GNA13: variants seen among roughly 807,000 people sequenced by gnomAD.
The protein encoded by GNA13 is G protein subunit alpha 13.
Under a neutral mutation model 33.5 loss-of-function variants are expected in GNA13, and 4 were observed. That is an observed-to-expected ratio of 0.12 (90% confidence interval 0.06 to 0.27). The LOEUF (loss-of-function observed/expected upper bound fraction) is 0.27, where lower values mean the gene tolerates loss of function less well. GNA13 is among the 10% of genes least tolerant of loss of function. The pLI, the probability that GNA13 is intolerant of heterozygous loss-of-function variation, is 1.00. For missense variants in GNA13, 319 were observed against 487.2 expected (o/e 0.65, Z 3.25); for synonymous variants, 176 against 183.8 (o/e 0.96, Z 0.34).
intron 2 of GNA13, among the ~76,000 whole-genome samples, chr17:65,031,996 G>A (rs921750276): frequency 1.4e-5 from 2 of 143,616 alleles, no homozygotes; most frequent in East Asian, 2.2e-4. Flanking sequence ...TCAATAATTC[G>A]CATATGTATA....
chr17:65,023,462 A>C (rs1018440254), intron 2 of GNA13, among the ~76,000 whole-genome samples: 1 of 152,234 alleles, frequency 6.6e-6, no homozygotes, highest in African/African-American at 2.4e-5. Context: ...TTTCCTGAAC[A>C]AGAACTACCC....
chr17:65,050,434 T>C (rs1907821927), intron 2 of GNA13, among the ~76,000 whole-genome samples: 2 of 152,170 alleles, frequency 1.3e-5, no homozygotes, highest in Non-Finnish European at 1.5e-5. Flanking sequence ...TCAGGTGCTA[T>C]TAACAATGCT....
At chr17:65,043,639 CAGAT>C (rs1364297569) in intron 2 of GNA13, among the ~76,000 whole-genome samples, 3 of 151,996 alleles carry the variant, frequency 2.0e-5, no homozygotes, top group East Asian at 3.8e-4. Flanking sequence ...TAAAAAGTCA[CAGAT>C]AGCACAACCA....
intron 2 of GNA13, among the ~76,000 whole-genome samples, chr17:65,038,591 T>C (rs901582909): frequency 1.3e-5 from 2 of 152,114 alleles, no homozygotes; most frequent in Non-Finnish European, 2.9e-5. Context: ...TCTGTATTTT[T>C]AGTAGAGACG....
intron 2 of GNA13, among the ~76,000 whole-genome samples, chr17:65,022,319 G>T (rs769798204): frequency 2.0e-5 from 3 of 151,424 alleles, no homozygotes; most frequent in Non-Finnish European, 2.9e-5. Flanking sequence ...CTGCACCACT[G>T]CTTGGTGCAC....
At chr17:65,041,720 A>C (rs1018431131) in intron 2 of GNA13, among the ~76,000 whole-genome samples, 2 of 152,126 alleles carry the variant, frequency 1.3e-5, no homozygotes, top group Non-Finnish European at 2.9e-5. Flanking sequence ...AAAGCAGCAC[A>C]TTCAGTGGGA....
intron 2 of GNA13, among the ~76,000 whole-genome samples, chr17:65,030,809 T>C (rs1906973974): frequency 6.6e-6 from 1 of 152,146 alleles, no homozygotes; most frequent in Non-Finnish European, 1.5e-5. Context: ...GCCCAGGAGT[T>C]CAAGACCAGC....
intron 3 of GNA13, among the ~76,000 whole-genome samples, chr17:65,016,813 T>C (rs1008335402): frequency 6.6e-6 from 1 of 152,270 alleles, no homozygotes; most frequent in Non-Finnish European, 1.5e-5. Flanking sequence ...AATCAGCATA[T>C]GCACACAGCG....
chr17:65,017,915 A>G (rs1392028348), intron 3 of GNA13, among the ~76,000 whole-genome samples: 2 of 152,086 alleles, frequency 1.3e-5, no homozygotes, highest in Non-Finnish European at 2.9e-5. Context: ...CTTCCAAGAA[A>G]TAGCAGACAA....
At chr17:65,042,378 G>C (rs1026886948) in intron 2 of GNA13, among the ~76,000 whole-genome samples, 5 of 142,358 alleles carry the variant, frequency 3.5e-5, no homozygotes, top group Non-Finnish European at 4.6e-5. Flanking sequence ...AAAAAAAGAA[G>C]AACCACATCA....
rs533785475 is a variant in GNA13 at position 65,029,621 on chromosome 17, C to CA, written c.511-11319_511-11318insT. On this transcript the variant is annotated intron_variant, in intron 2 of 3. Coordinates refer to ENST00000439174, the MANE Select transcript of GNA13 (RefSeq NM_006572.6). ...CTTCACTCAATATCTTTTGCACTTACGGTTTATACCACTCATGGCACTTCT... is the reference window on the plus strand; with the variant it reads ...CTTCACTCAATATCTTTTGCACTTACAGGTTTATACCACTCATGGCACTTCT... Among the ~76,000 whole-genome samples the CA allele has an allele frequency of 1.1e-3, 38 of 33,722 alleles. No individual in the cohort carries two copies. In the South Asian group the frequency reaches 0.29, roughly 260 times the overall value. 22.1% of individuals were successfully genotyped at this position (33,722 alleles called of 152,430 possible). A position where few individuals can be genotyped will look rare whatever the true frequency, so the allele number is the denominator to read the frequency against.
intron 2 of GNA13, among the ~76,000 whole-genome samples, chr17:65,045,962 G>C (rs1907644923): frequency 1.3e-5 from 2 of 152,204 alleles, no homozygotes; most frequent in African/African-American, 4.8e-5. Context: ...TTGGTGGCCA[G>C]AGCTGTGGAC....
chr17:65,037,581 A>G (rs1403944330), intron 2 of GNA13, among the ~76,000 whole-genome samples: 2 of 151,912 alleles, frequency 1.3e-5, no homozygotes, highest in Non-Finnish European at 2.9e-5. Context: ...CTTTCTGGCC[A>G]CTTCTGCTAG....
At chr17:65,024,257 T>TA (rs1906692204) in intron 2 of GNA13, among the ~76,000 whole-genome samples, 1 of 152,022 alleles carries the variant, frequency 6.6e-6, no homozygotes. Context: ...CTCCAAAAAA[T>TA]AAAAAATCAT....
intron 2 of GNA13, among the ~76,000 whole-genome samples, chr17:65,044,033 G>A (rs1907562758): frequency 1.3e-5 from 2 of 152,210 alleles, no homozygotes; most frequent in Non-Finnish European, 2.9e-5. Context: ...GAGGTGGGAA[G>A]GTTGCTTGAG....
chr17:65,029,874 T>C (rs1906940673), intron 2 of GNA13, among the ~76,000 whole-genome samples: 1 of 152,250 alleles, frequency 6.6e-6, no homozygotes, highest in African/African-American at 2.4e-5. Context: ...GGAAGGTTTT[T>C]TTTTTTAAAG....
Position 65,014,385 on chromosome 17 carries a change from C to T in GNA13, c.1006G>A (p.Asp336Asn), listed in dbSNP as rs2143765660. The T allele has an allele frequency of 6.2e-7, 1 of 1,614,034 alleles. No individual in the cohort carries two copies. Among genetic ancestry groups the T allele is most frequent in the Non-Finnish European group, 8.5e-7 (1 of 1,179,996 alleles). ...LVECFRNKRRDQQQKPLYHHF... is the reference protein window; with the variant it reads ...LVECFRNKRRNQQQKPLYHHF... ...TGGTATAAGGGCTTCTGTTGCTGGT[C>T]CCGGCGTTTGTTCCGGAAACATTCC... Residue 336 changes from aspartate (D) to asparagine (N), a missense_variant, in exon 4 of 4, where the codon GAC becomes AAC. Asp to Asn is a conservative substitution (Grantham distance 23). Transcript: ENST00000439174. This position sits in a 1 kb window ranked among gnomAD's most constrained non-coding sequence, Gnocchi z 5.3.
rs1358858784 is a variant in GNA13, at chr17:65,053,439, C to A, written c.510+63G>T. The A allele has an allele frequency of 2.9e-6, 3 of 1,022,444 alleles. No individual in the cohort carries two copies. In the East Asian group the frequency reaches 7.1e-5, roughly 24 times the overall value. 63.3% of individuals were successfully genotyped at this position (1,022,444 alleles called of 1,614,324 possible). A position where few individuals can be genotyped will look rare whatever the true frequency, so the allele number is the denominator to read the frequency against. Reference sequence around the variant, plus strand: ...TTCGAATTTTCGCATTAGGGATGTGCAACCTGTATTACTAAACATCATTAA... The same window carrying A: ...TTCGAATTTTCGCATTAGGGATGTGAAACCTGTATTACTAAACATCATTAA... On this transcript the variant is annotated intron_variant, in intron 2 of 3. Transcript: ENST00000439174.
Position 65,011,419 on chromosome 17 carries a change from A to C in GNA13, c.*2838T>G, listed in dbSNP as rs533509360. 45 of 197,946 alleles carry C rather than the reference A, an allele frequency of 2.3e-4. No individual in the cohort carries two copies. Among genetic ancestry groups the C allele is most frequent in the Middle Eastern group, 1.8e-3 (1 of 566 alleles). The allele number at this position is 197,946 out of a possible 1,614,324, so 12.3% of individuals were successfully genotyped here. A position where few individuals can be genotyped will look rare whatever the true frequency, so the allele number is the denominator to read the frequency against. On this transcript the variant is annotated 3_prime_UTR_variant, in exon 4 of 4. Transcript: ENST00000439174. ...TCCAGATAATAAAATTGAAATGAAG[A>C]TTTCAATTTAATATTTGGCAGACAG...
Sources: gnomAD v4.1 joint callset for allele counts (sites outside exome capture counted in the v4.1 genomes callset) on GRCh38, gnomAD v4.1.1 for gene constraint, Gnocchi (gnomAD v3.1) non-coding constraint, MANE v1.5 for transcripts, NCBI Gene and HGNC (gene_info 2026-07-23, HGNC 2026-07-21) for gene names.